ISM2: variants seen among roughly 807,000 people sequenced by gnomAD.
The protein encoded by ISM2 is isthmin-2.
Under a neutral mutation model 58.0 loss-of-function variants are expected in ISM2, and 50 were observed. The observed-to-expected ratio is 0.86, with a 90% CI of 0.69 to 1.09. The LOEUF (loss-of-function observed/expected upper bound fraction) is 1.09, where lower values mean the gene tolerates loss of function less well. Among genes scored for constraint, ISM2 ranks in the 50% least tolerant of loss-of-function variants. The pLI is 0.00. For synonymous variants in ISM2, 303 were observed against 312.4 expected, an observed-to-expected ratio of 0.97 and a Z score of 0.32; for missense variants, 723 against 745.0, an observed-to-expected ratio of 0.97 and a Z score of 0.34.
rs544146133 is a variant in ISM2, at chr14:77,482,680, G to C, written c.628-13C>G. On this transcript the variant is annotated splice_polypyrimidine_tract_variant and intron_variant, in intron 3 of 6. Coordinates refer to ENST00000342219, the MANE Select transcript of ISM2 (RefSeq NM_199296.3). Reference sequence around the variant, plus strand: ...CCTTGATGGTCACCTGCAGGAGACAGGCCAGGCCGGCCAGTGAAGGAGGTC... The same window carrying C: ...CCTTGATGGTCACCTGCAGGAGACACGCCAGGCCGGCCAGTGAAGGAGGTC... The C allele has an allele frequency of 3.0e-5, 45 of 1,477,138 alleles. No individual in the cohort carries two copies. In the East Asian group the frequency reaches 9.8e-4, roughly 32 times the overall value. 91.5% of individuals were successfully genotyped at this position (1,477,138 alleles called of 1,614,324 possible).
rs1336411348 is a variant in ISM2 at position 77,498,674 on chromosome 14, C to A, written c.120G>T (p.Gly40=). 3 of 1,477,574 alleles carry A rather than the reference C, an allele frequency of 2.0e-6. No individual in the cohort carries two copies. Among genetic ancestry groups the A allele is most frequent in the Middle Eastern group, 2.4e-4 (1 of 4,208 alleles). The allele number at this position is 1,477,574 out of a possible 1,614,324, so 91.5% of individuals were successfully genotyped here. Residue 40 remains glycine (G), a synonymous_variant, in exon 1 of 7, where the codon GGG becomes GGT. Transcript: ENST00000342219. ...KKPRLRGPRP[G]SLTRLAEVSA... Reference sequence around the variant, plus strand: ...TCACCTCTGCGAGCCTCGTGAGGCTCCCAGGCCGTGGTCCGCGGAGCCGCG... The same window carrying A: ...TCACCTCTGCGAGCCTCGTGAGGCTACCAGGCCGTGGTCCGCGGAGCCGCG...
In ISM2 at chr14:77,484,367, C is replaced by A. The variant is rs780897446; in HGVS notation, c.583G>T (p.Glu195Ter). 1 of 1,612,014 alleles carries A rather than the reference C, an allele frequency of 6.2e-7. No homozygotes were observed. Among genetic ancestry groups the A allele is most frequent in the Non-Finnish European group, 8.5e-7 (1 of 1,179,134 alleles). ...PLLLELQKLP[E>*]LVHATLSTPN... ...GTACTCAAGGTTGCGTGGACCAATT[C>A]TGGCAGCTTCTGCAGCTCCAGCAGC... is the stretch of plus-strand genomic sequence containing the variant. Residue 195 changes from glutamate to a stop codon, truncating the protein, a stop_gained, in exon 3 of 7, where the codon GAA (glutamate) becomes TAA (stop). Transcript: ENST00000342219. LOFTEE classifies it high-confidence loss of function.
In ISM2 at chr14:77,497,388, AGG is replaced by A. The variant is rs1408870601; in HGVS notation, c.141+1263_141+1264del. On this transcript the variant is annotated intron_variant, in intron 1 of 6. Coordinates refer to ENST00000342219, the MANE Select transcript of ISM2 (RefSeq NM_199296.3). ...GTCTCAAAAAAAAAAAAAAAAAAAA[AGG>A]AAGAAGAAGAATGGCTGGGCACCAT... Among the ~76,000 whole-genome samples the A allele has an allele frequency of 1.9e-4, 27 of 142,842 alleles. No individual in the cohort carries two copies. In the East Asian group the frequency reaches 3.5e-3, roughly 19 times the overall value. The allele number at this position is 142,842 out of a possible 152,430, so 93.7% of individuals were successfully genotyped here.
At chr14:77,481,334 C>T (rs557116191) in intron 4 of ISM2, among the ~76,000 whole-genome samples, 5 of 147,578 alleles carry the variant, frequency 3.4e-5, no homozygotes, top group Admixed American at 6.7e-5. Flanking sequence ...AGTGAGACTC[C>T]ACCTCAAAAA....
rs10679957 is a variant in ISM2 at position 77,486,270 on chromosome 14, T to TGAC, written c.142-1352_142-1351insGTC. ...AATCAGCCTAGTTTCTCACTCTTAC[T>TGAC]TTTTTTTCTTGAAAGTTTGGAAACA... On this transcript the variant is annotated intron_variant, in intron 1 of 6. Coordinates refer to ENST00000342219, the MANE Select transcript of ISM2 (RefSeq NM_199296.3). Among the ~76,000 whole-genome samples the TGAC allele has an allele frequency of 4.2e-3, 604 of 145,376 alleles. 3 individuals carry two copies. The highest frequency in any genetic ancestry group is 0.014 in the African/African-American group (571 of 40,130).
At chr14:77,495,651 G>A (rs1481167906) in intron 1 of ISM2, among the ~76,000 whole-genome samples, 1 of 152,158 alleles carries the variant, frequency 6.6e-6, no homozygotes, top group Non-Finnish European at 1.5e-5. Context: ...GCCTCGTGAG[G>A]CGGCAAGTGC....
At chr14:77,479,758 G>A (rs372181515) in intron 4 of ISM2, among the ~76,000 whole-genome samples, 1 of 151,636 alleles carries the variant, frequency 6.6e-6, no homozygotes, top group South Asian at 2.1e-4. Flanking sequence ...CAAGTGATCC[G>A]CCTGCCTTGG....
At chr14:77,486,727 G>A (rs1215879766) in intron 1 of ISM2, among the ~76,000 whole-genome samples, 1 of 152,146 alleles carries the variant, frequency 6.6e-6, no homozygotes, top group African/African-American at 2.4e-5. Context: ...TAGCCTGGTG[G>A]TGGCTGGGCC....
intron 1 of ISM2, among the ~76,000 whole-genome samples, chr14:77,485,769 C>A (rs2079163918): frequency 6.6e-6 from 1 of 152,202 alleles, no homozygotes; most frequent in South Asian, 2.1e-4. Flanking sequence ...GTGGACCCTG[C>A]TTCACTCAGG....
At chr14:77,484,645 C>A in intron 2 of ISM2, 32 bp downstream of exon 2, 1 of 1,588,770 alleles carries the variant, frequency 6.3e-7, no homozygotes, top group East Asian at 2.3e-5. Flanking sequence ...CCAGGCAGAG[C>A]CAGGAGCTGC....
chr14:77,482,707 T>TAG, intron 3 of ISM2, 40 bp from the exon 4 acceptor site: 5 of 1,273,948 alleles, frequency 3.9e-6, no homozygotes, highest in Non-Finnish European at 5.4e-6. Flanking sequence ...AAGGAGGTCT[T>TAG]AGAGCTGCAT....
At position 77,484,710 on chromosome 14, in the gene ISM2, G is replaced by A. The variant is rs1205177934; in HGVS notation, c.351C>T (p.Asn117=). 1.7e-5 allele frequency: 27 copies of A among 1,611,608 alleles called. No individual in the cohort carries two copies. Among genetic ancestry groups the A allele is most frequent in the East Asian group, 1.6e-4 (7 of 44,760 alleles). The change falls in exon 2 of 7, where the codon AAC becomes AAT. Residue 117 remains asparagine, a synonymous_variant. Coordinates refer to ENST00000342219, the MANE Select transcript of ISM2 (RefSeq NM_199296.3). ...LELQKLPGLA[N]TTLSTPNPDT... ...CAGGGTTAGGGGTACTCAAGGTTGT[G>A]TTGGCCAATCCCGGCAGCTTCTGCA...
rs767736034 is a variant in ISM2 at position 77,482,685 on chromosome 14, G to A, written c.628-18C>T. On this transcript the variant is annotated intron_variant, in intron 3 of 6. Coordinates refer to ENST00000342219, the MANE Select transcript of ISM2 (RefSeq NM_199296.3). ...ATGGTCACCTGCAGGAGACAGGCCAGGCCGGCCAGTGAAGGAGGTCTTAGA... is the reference window on the plus strand; with the variant it reads ...ATGGTCACCTGCAGGAGACAGGCCAAGCCGGCCAGTGAAGGAGGTCTTAGA... 3.4e-6 allele frequency: 5 copies of A among 1,480,786 alleles called. No individual in the cohort carries two copies. In the East Asian group the frequency reaches 9.1e-5, roughly 27 times the overall value. The allele number at this position is 1,480,786 out of a possible 1,614,324, so 91.7% of individuals were successfully genotyped here.
rs866927624 is a variant in ISM2, at chr14:77,482,469, G to T, written c.826C>A (p.Pro276Thr). The stretch of plus-strand genomic sequence containing the variant: ...TCCTCACCCTCGATATCCTCTGAAG[G>T]ATAGTCCTCGTCTTCCTCCTTTTCC... ...GEEKEEDEDY[P>T]SEDIEGEDQE... The change falls in exon 4 of 7, where the codon CCT becomes ACT. Residue 276 changes from proline (P) to threonine (T), a missense_variant. Coordinates refer to ENST00000342219, the MANE Select transcript of ISM2 (RefSeq NM_199296.3). The T allele has an allele frequency of 1.2e-6, 2 of 1,614,140 alleles. No individual in the cohort carries two copies. The highest frequency in any genetic ancestry group is 3.3e-4 in the Middle Eastern group (2 of 6,062).
chr14:77,492,513 A>T (rs1172697355), intron 1 of ISM2, among the ~76,000 whole-genome samples: 1 of 120,554 alleles, frequency 8.3e-6, no homozygotes, highest in Non-Finnish European at 1.7e-5. Context: ...AACTGGCCCC[A>T]GCCTTTTTTT....
At chr14:77,476,162 C>T in intron 6 of ISM2, 50 bp from the exon 7 acceptor site, 4 of 1,496,786 alleles carry the variant, frequency 2.7e-6, no homozygotes, top group Non-Finnish European at 3.5e-6. Flanking sequence ...AGAGCCAGGC[C>T]CGTGTGGGGC....
rs2079154643 is a variant in ISM2, at chr14:77,484,544, T to C, written c.406A>G (p.Arg136Gly). The change falls in exon 3 of 7, where the codon AGG becomes GGG. Residue 136 changes from arginine (R) to glycine (G), a missense_variant. Arg to Gly is a moderately radical substitution (Grantham distance 125, BLOSUM62 -2). Coordinates refer to ENST00000342219, the MANE Select transcript of ISM2 (RefSeq NM_199296.3). ...GCCTCCTCCTCTTCCCTCAGAGGCCTAGGATCTGGGGAGGCTGAAGCCTGA... is the reference window on the plus strand; with the variant it reads ...GCCTCCTCCTCTTCCCTCAGAGGCCCAGGATCTGGGGAGGCTGAAGCCTGA... ...DTQASASPDPRPLREEEEARL... is the reference protein window; with the variant it reads ...DTQASASPDPGPLREEEEARL... The C allele has an allele frequency of 6.3e-7, 1 of 1,594,108 alleles. No individual in the cohort carries two copies. Among genetic ancestry groups the C allele is most frequent in the Non-Finnish European group, 8.5e-7 (1 of 1,170,630 alleles).
At position 77,488,917 on chromosome 14, in the gene ISM2, C is replaced by T. The variant is rs145558337; in HGVS notation, c.142-3998G>A. Among the ~76,000 whole-genome samples, 5 of 152,284 alleles carry T rather than the reference C, an allele frequency of 3.3e-5. No homozygotes were observed. The East Asian group carries it at 7.7e-4, about 24-fold the overall frequency. On this transcript the variant is annotated intron_variant, in intron 1 of 6. Coordinates refer to ENST00000342219, the MANE Select transcript of ISM2 (RefSeq NM_199296.3). ...TCCTGTCTCACAAGACCACCTCTCT[C>T]CATCTTCTAAGCTTACATGTGGAGT...
intron 1 of ISM2, among the ~76,000 whole-genome samples, chr14:77,492,850 C>T (rs1335165853): frequency 1.3e-5 from 2 of 152,084 alleles, no homozygotes; most frequent in Admixed American, 6.6e-5. Context: ...CAAAATTAGC[C>T]GGGCATGGTG....
Sources: allele counts gnomAD v4.1 joint callset (sites outside exome capture counted in the v4.1 genomes callset), GRCh38; gene constraint gnomAD v4.1.1; transcripts MANE v1.5; gene names NCBI Gene and HGNC (gene_info 2026-07-23, HGNC 2026-07-21).